CLCN3: variants seen among roughly 807,000 people sequenced by gnomAD.
The protein encoded by CLCN3 is Cl-/H+ antiporter 3.
A neutral mutation model predicts 83.4 loss-of-function variants in CLCN3; 16 were observed. The observed-to-expected ratio is 0.19, with a 90% CI of 0.13 to 0.29. The LOEUF (loss-of-function observed/expected upper bound fraction) is 0.29, where lower values mean the gene tolerates loss of function less well. Among genes scored for constraint, CLCN3 ranks in the 10% least tolerant of loss-of-function variants. The pLI, the probability that CLCN3 is intolerant of heterozygous loss-of-function variation, is 1.00. For missense variants in CLCN3, 544 were observed against 1,006.0 expected (o/e 0.54, Z 6.21); for synonymous variants, 322 against 346.2 (o/e 0.93, Z 0.78).
At chr4:169,655,001 T>C (rs1560838057) in intron 2 of CLCN3, among the ~76,000 whole-genome samples, 1 of 152,234 alleles carries the variant, frequency 6.6e-6, no homozygotes, top group Admixed American at 6.5e-5. Context: ...ATTTTTGCTT[T>C]ATATACTTTG....
chr4:169,692,538 A>T (rs1000688970), intron 7 of CLCN3, among the ~76,000 whole-genome samples: 2 of 152,198 alleles, frequency 1.3e-5, no homozygotes, highest in Non-Finnish European at 2.9e-5. Flanking sequence ...CTTTAGATAG[A>T]CAGCTGGTGT....
chr4:169,634,184 T>C (rs1054375393), intron 1 of CLCN3, among the ~76,000 whole-genome samples: 9 of 152,204 alleles, frequency 5.9e-5, no homozygotes, highest in South Asian at 2.1e-4. Context: ...GGAGGAGATA[T>C]ATTGGAATTT....
intron 9 of CLCN3, among the ~76,000 whole-genome samples, chr4:169,702,259 G>C (rs1373304382): frequency 6.6e-6 from 1 of 152,104 alleles, no homozygotes; most frequent in Non-Finnish European, 1.5e-5. Context: ...CCCTGCTCAT[G>C]CCTGACTAGC....
At chr4:169,662,876 A>G (rs1731103778) in intron 2 of CLCN3, 1 of 152,166 alleles carries the variant, frequency 6.6e-6, no homozygotes, top group Non-Finnish European at 1.5e-5. Flanking sequence ...TATAGAAACA[A>G]TCAAGCTCTC....
chr4:169,684,791 T>C (rs935337690), intron 3 of CLCN3, among the ~76,000 whole-genome samples: 1 of 152,156 alleles, frequency 6.6e-6, no homozygotes, highest in Non-Finnish European at 1.5e-5. Context: ...CTTTAAGTCA[T>C]GCCAAAAATC....
rs1165245517 is a variant in CLCN3 at position 169,723,036 on chromosome 4, C to G, written c.*3039C>G. The G allele has an allele frequency of 1.3e-5, 2 of 152,134 alleles. No homozygotes were observed. Among genetic ancestry groups the G allele is most frequent in the African/African-American group, 4.8e-5 (2 of 41,444 alleles). 9.4% of individuals were successfully genotyped at this position (152,134 alleles called of 1,614,324 possible). On this transcript the variant is annotated 3_prime_UTR_variant, in exon 13 of 13. Coordinates refer to ENST00000513761, the MANE Select transcript of CLCN3 (RefSeq NM_001829.4). ...TAATTAATTGTTTTCAGTTTTGGTT[C>G]ACGAAGAATGCTTAGTTAATCTGTA...
chr4:169,691,537 A>G (rs1458899041), intron 6 of CLCN3, among the ~76,000 whole-genome samples: 1 of 152,112 alleles, frequency 6.6e-6, no homozygotes, highest in Admixed American at 6.5e-5. Context: ...ATTTTTCTGT[A>G]GTTAAATAAG....
chr4:169,621,540 A>G (rs1320374699), intron 1 of CLCN3, among the ~76,000 whole-genome samples: 1 of 152,056 alleles, frequency 6.6e-6, no homozygotes, highest in Non-Finnish European at 1.5e-5. Context: ...AAAACTGCGG[A>G]GCATATAGAA....
intron 2 of CLCN3, among the ~76,000 whole-genome samples, chr4:169,671,390 T>G (rs773056922): frequency 6.6e-5 from 10 of 152,138 alleles, no homozygotes; most frequent in Non-Finnish European, 1.2e-4. Context: ...AAGTGGGAGT[T>G]GAACAATGAG....
Position 169,636,277 on chromosome 4 carries a change from A to T in CLCN3, c.160+189A>T, listed in dbSNP as rs928761337. 9.8e-5 allele frequency among the ~76,000 whole-genome samples: 15 copies of T among 152,326 alleles called. No individual in the cohort carries two copies. The East Asian group carries it at 2.9e-3, about 29-fold the overall frequency. On this transcript the variant is annotated intron_variant, in intron 2 of 12. Coordinates refer to ENST00000513761, the MANE Select transcript of CLCN3 (RefSeq NM_001829.4). ...AGCAGGTTCACAGTGTTGTGCAACT[A>T]CCGTTTCTATCTCGTTCCAAACATT...
intron 10 of CLCN3, among the ~76,000 whole-genome samples, chr4:169,705,126 GAAGA>G (rs1732941465): frequency 6.6e-6 from 1 of 152,164 alleles, no homozygotes; most frequent in Admixed American, 6.5e-5. Flanking sequence ...GAATATAGGG[GAAGA>G]AAGAGCTGAA....
intron 12 of CLCN3, among the ~76,000 whole-genome samples, 167 bp from the exon 13 acceptor site, chr4:169,719,740 T>G (rs1376685026): frequency 6.6e-6 from 1 of 152,156 alleles, no homozygotes; most frequent in African/African-American, 2.4e-5. Context: ...AAAGGATGGT[T>G]GCTGGATAAT....
intron 2 of CLCN3, among the ~76,000 whole-genome samples, chr4:169,674,711 C>G (rs1731609885): frequency 6.6e-6 from 1 of 152,106 alleles, no homozygotes; most frequent in Non-Finnish European, 1.5e-5. Flanking sequence ...ACACTGAAAT[C>G]AGTGTGCCAC....
intron 9 of CLCN3, 74 bp downstream of exon 9, chr4:169,697,808 G>C (rs1560866154): frequency 2.1e-6 from 2 of 969,932 alleles, no homozygotes; most frequent in East Asian, 4.8e-5. Context: ...GAGAGAGGTT[G>C]TTGTTTCATA....
At chr4:169,709,956 G>A (rs1201966154) in intron 11 of CLCN3, among the ~76,000 whole-genome samples, 1 of 150,676 alleles carries the variant, frequency 6.6e-6, no homozygotes, top group Non-Finnish European at 1.5e-5. Context: ...AAATTGTCTG[G>A]GTGTGGTGGT....
chr4:169,662,648 C>T (rs1472508058), intron 2 of CLCN3: 2 of 152,094 alleles, frequency 1.3e-5, no homozygotes, highest in African/African-American at 2.4e-5. Context: ...TAGTAAATCC[C>T]TGAGTGCTAT....
At position 169,690,739 on chromosome 4, in the gene CLCN3, G is replaced by A. The variant is rs114178435; in HGVS notation, c.729+87G>A. Reference sequence around the variant, plus strand: ...GTGATAATAAAAGTTGGCTTTTCTGGAGGGAGGGGATAGTTTGTTCATAAT... The same window carrying A: ...GTGATAATAAAAGTTGGCTTTTCTGAAGGGAGGGGATAGTTTGTTCATAAT... On this transcript the variant is annotated intron_variant, in intron 6 of 12. Coordinates refer to ENST00000513761, the MANE Select transcript of CLCN3 (RefSeq NM_001829.4). The A allele has an allele frequency of 1.9e-3, 2,383 of 1,276,840 alleles. 35 individuals carry two copies. In the African/African-American group the frequency reaches 0.032, roughly 17 times the overall value. 79.1% of individuals were successfully genotyped at this position (1,276,840 alleles called of 1,614,324 possible).
intron 2 of CLCN3, among the ~76,000 whole-genome samples, chr4:169,676,313 T>C (rs887641901): frequency 6.6e-6 from 1 of 152,216 alleles, no homozygotes; most frequent in African/African-American, 2.4e-5. Flanking sequence ...AGATAATGGT[T>C]CAATTAAATA....
chr4:169,717,879 T>C (rs370735604), intron 12 of CLCN3: 9 of 1,574,586 alleles, frequency 5.7e-6, no homozygotes, highest in South Asian at 1.1e-5. Flanking sequence ...TGATTAGATA[T>C]ATCAGATCTC....
Sources: gnomAD v4.1 joint callset for allele counts (sites outside exome capture counted in the v4.1 genomes callset) on GRCh38, gnomAD v4.1.1 for gene constraint, MANE v1.5 for transcripts, NCBI Gene and HGNC (gene_info 2026-07-23, HGNC 2026-07-21) for gene names.